The following ZBTB7C variants were observed in gnomAD, a reference collection of about 807,000 sequenced individuals.
ZBTB7C encodes zinc finger and BTB domain containing 7C.
A neutral mutation model predicts 25.7 loss-of-function variants in ZBTB7C; 8 were observed. The observed-to-expected ratio is 0.31, with a 90% CI of 0.18 to 0.56. The LOEUF (loss-of-function observed/expected upper bound fraction) is 0.56. Among genes scored for constraint, ZBTB7C ranks in the 20% least tolerant of loss-of-function variants. ZBTB7C has a pLI of 0.91. For missense variants in ZBTB7C, 824 were observed against 855.2 expected (o/e 0.96, Z 0.46); for synonymous variants, 394 against 369.0 (o/e 1.07, Z -0.78).
intron 3 of ZBTB7C, among the ~76,000 whole-genome samples, chr18:48,097,879 C>CTTT (rs150686674): frequency 2.1e-5 from 3 of 145,568 alleles, no homozygotes; most frequent in Non-Finnish European, 4.5e-5. Context: ...TTACAAGCAT[C>CTTT]TTTTTTTTTT....
chr18:48,137,349 G>T, intron 3 of ZBTB7C: 2 of 984,462 alleles, frequency 2.0e-6, no homozygotes, highest in Non-Finnish European at 2.4e-6. Context: ...AAAGGCAAGG[G>T]CGGTGGAGGA....
At chr18:48,301,985 C>T (rs2045555642) in intron 2 of ZBTB7C, among the ~76,000 whole-genome samples, 1 of 152,192 alleles carries the variant, frequency 6.6e-6, no homozygotes, top group African/African-American at 2.4e-5. Context: ...CAGCTCCTTT[C>T]CCACCTAGAA....
intron 2 of ZBTB7C, among the ~76,000 whole-genome samples, chr18:48,214,367 C>T (rs551846518): frequency 2.0e-5 from 3 of 152,296 alleles, no homozygotes; most frequent in Admixed American, 2.0e-4. Flanking sequence ...ATGCTAGGTC[C>T]CTCATATGAT....
chr18:48,332,083 A>G (rs914023336), intron 2 of ZBTB7C, among the ~76,000 whole-genome samples: 6 of 152,190 alleles, frequency 3.9e-5, no homozygotes, highest in Admixed American at 3.9e-4. Flanking sequence ...TCTCCAATAT[A>G]TCCTTCTACA....
intron 3 of ZBTB7C, among the ~76,000 whole-genome samples, chr18:48,078,925 T>A (rs933153093): frequency 6.6e-6 from 1 of 152,000 alleles, no homozygotes; most frequent in Non-Finnish European, 1.5e-5. Flanking sequence ...AATGCATATA[T>A]CACAATTTGT....
chr18:48,356,384 G>T (rs1310950060), intron 1 of ZBTB7C, among the ~76,000 whole-genome samples: 1 of 152,144 alleles, frequency 6.6e-6, no homozygotes, highest in East Asian at 1.9e-4. Context: ...CCTTCCCTGG[G>T]CCCTGCTAGC....
chr18:48,105,032 T>C (rs1177919225), intron 3 of ZBTB7C, among the ~76,000 whole-genome samples: 3 of 152,248 alleles, frequency 2.0e-5, no homozygotes, highest in African/African-American at 7.2e-5. Flanking sequence ...TCTGTGGTTC[T>C]GCAGGGGATG....
chr18:48,062,677 C>T lies in ZBTB7C; in HGVS notation c.-16-21554G>A, dbSNP rs144159352. Reference sequence around the variant, plus strand: ...CAGTAAGTCAGTGGCCTGTTCCATTCTAGAACATCTGAGAGCATCCAAAGG... The same window carrying T: ...CAGTAAGTCAGTGGCCTGTTCCATTTTAGAACATCTGAGAGCATCCAAAGG... On this transcript the variant is annotated intron_variant, in intron 3 of 4. Transcript: ENST00000590800. Among the ~76,000 whole-genome samples, 1,182 of 152,312 alleles carry T rather than the reference C, an allele frequency of 7.8e-3. 8 individuals are homozygous for T. Among genetic ancestry groups the T allele is most frequent in the Middle Eastern group, 0.017 (5 of 294 alleles).
intron 2 of ZBTB7C, among the ~76,000 whole-genome samples, chr18:48,245,710 G>C (rs1568327730): frequency 6.6e-6 from 1 of 152,108 alleles, no homozygotes; most frequent in Non-Finnish European, 1.5e-5. Flanking sequence ...AAGAGAGGAT[G>C]GGGGAATTCC....
chr18:48,380,032 T>G (rs2047600713), intron 1 of ZBTB7C, among the ~76,000 whole-genome samples: 2 of 152,150 alleles, frequency 1.3e-5, no homozygotes, highest in South Asian at 4.1e-4. Flanking sequence ...CCACAGAACT[T>G]TATAGCACAA....
intron 3 of ZBTB7C, among the ~76,000 whole-genome samples, chr18:48,168,834 C>T (rs2041362294): frequency 6.6e-6 from 1 of 152,224 alleles, no homozygotes; most frequent in Non-Finnish European, 1.5e-5. Flanking sequence ...CTTCTTATGC[C>T]TATCCCCCTT....
chr18:48,087,902 C>G (rs1162711880), intron 3 of ZBTB7C: 1 of 151,784 alleles, frequency 6.6e-6, no homozygotes, highest in African/African-American at 2.4e-5. Flanking sequence ...ATTGCTTTAG[C>G]CTTTTCCTCC....
intron 3 of ZBTB7C, among the ~76,000 whole-genome samples, chr18:48,054,286 C>G (rs868555467): frequency 6.6e-6 from 1 of 152,096 alleles, no homozygotes; most frequent in Non-Finnish European, 1.5e-5. Flanking sequence ...GAAGGGCGGC[C>G]GGAACCAGTT....
chr18:48,330,812 TCTACCCC>T (rs2046326892), intron 2 of ZBTB7C, among the ~76,000 whole-genome samples: 1 of 151,862 alleles, frequency 6.6e-6, no homozygotes, highest in African/African-American at 2.4e-5. Flanking sequence ...AGGGGGAGCA[TCTACCCC>T]AGCTCCGGAC....
chr18:48,246,764 G>A (rs373303436), intron 2 of ZBTB7C, among the ~76,000 whole-genome samples: 42 of 152,108 alleles, frequency 2.8e-4, no homozygotes, highest in African/African-American at 8.9e-4. Context: ...TGATGCTGGC[G>A]AAATCATCAT....
At chr18:48,193,945 G>A (rs2042259496) in intron 2 of ZBTB7C, among the ~76,000 whole-genome samples, 2 of 152,262 alleles carry the variant, frequency 1.3e-5, no homozygotes, top group South Asian at 4.1e-4. Context: ...GGGAGTGGGG[G>A]AGGTTGTGTC....
chr18:48,241,985 A>G (rs2043543386), intron 2 of ZBTB7C, among the ~76,000 whole-genome samples: 1 of 152,196 alleles, frequency 6.6e-6, no homozygotes, highest in African/African-American at 2.4e-5. Context: ...AGAAGATCCA[A>G]ATAAGCTCAA....
intron 3 of ZBTB7C, among the ~76,000 whole-genome samples, chr18:48,096,298 A>G (rs1005696652): frequency 4.6e-5 from 7 of 152,156 alleles, no homozygotes; most frequent in Non-Finnish European, 1.0e-4. Context: ...GATCCCTTCA[A>G]GACGGTCACA....
At chr18:48,238,876 A>T (rs946019207) in intron 2 of ZBTB7C, among the ~76,000 whole-genome samples, 1 of 152,200 alleles carries the variant, frequency 6.6e-6, no homozygotes, top group Non-Finnish European at 1.5e-5. Context: ...CTTTCTCAGC[A>T]GGGAGCCTTG....
Sources: allele counts gnomAD v4.1 joint callset (sites outside exome capture counted in the v4.1 genomes callset), GRCh38; gene constraint gnomAD v4.1.1; transcripts MANE v1.5; gene names NCBI Gene and HGNC (gene_info 2026-07-23, HGNC 2026-07-21).